Variants in PALS2 observed in about 807,000 individuals in gnomAD.
The protein encoded by PALS2 is protein PALS2.
A neutral mutation model predicts 61.6 loss-of-function variants in PALS2; 27 were observed. The observed-to-expected ratio is 0.44, with a 90% CI of 0.32 to 0.60. The LOEUF (loss-of-function observed/expected upper bound fraction) is 0.60. Among genes scored for constraint, PALS2 ranks in the 20% least tolerant of loss-of-function variants. The probability of loss-of-function intolerance (pLI) is 0.05; values close to 1 mark genes in which losing one functional copy is unlikely to be tolerated. For missense variants in PALS2, 554 were observed against 639.4 expected, an observed-to-expected ratio of 0.87 and a Z score of 1.44; for synonymous variants, 236 against 218.6, an observed-to-expected ratio of 1.08 and a Z score of -0.70.
chr7:24,591,941 A>G (rs1783303242), intron 1 of PALS2, among the ~76,000 whole-genome samples: 2 of 152,080 alleles, frequency 1.3e-5, no homozygotes, highest in African/African-American at 2.4e-5. Flanking sequence ...CAGTGCTATG[A>G]TTGGGGACCA....
At chr7:24,584,659 T>G (rs1048910571) in intron 1 of PALS2, among the ~76,000 whole-genome samples, 2 of 152,014 alleles carry the variant, frequency 1.3e-5, no homozygotes, top group African/African-American at 4.8e-5. Context: ...AGAAGCTCTT[T>G]AGTTTAATTA....
In PALS2 at chr7:24,691,405, G is replaced by GTGTGTGTGTGTGTGTATATATA. The variant is rs1274329385; in HGVS notation, c.*3792_*3793insGTGTGTGTGTGTGTATATATAT. 1.3e-4 allele frequency: 14 copies of GTGTGTGTGTGTGTGTATATATA among 110,578 alleles called. No homozygotes were observed. The highest frequency in any genetic ancestry group is 4.0e-4 in the African/African-American group (13 of 32,364). The allele number at this position is 110,578 out of a possible 1,614,324, so 6.8% of individuals were successfully genotyped here. ...ATATTATGTATGTGTGTGTGTGTGT[G>GTGTGTGTGTGTGTGTATATATA]TATATATATATATATATATATATAT... On this transcript the variant is annotated 3_prime_UTR_variant, in exon 12 of 12. Transcript: ENST00000222644.
At chr7:24,681,579 A>G (rs1787933700) in intron 11 of PALS2, among the ~76,000 whole-genome samples, 1 of 150,140 alleles carries the variant, frequency 6.7e-6, no homozygotes, top group Admixed American at 6.7e-5. Flanking sequence ...TTCAAACAAG[A>G]TCAACACATT....
chr7:24,583,735 T>G (rs1234196485), intron 1 of PALS2, among the ~76,000 whole-genome samples: 1 of 151,484 alleles, frequency 6.6e-6, no homozygotes, highest in Non-Finnish European at 1.5e-5. Context: ...TATGTATACA[T>G]GTGCCATGCT....
At chr7:24,626,874 A>G (rs942433558) in intron 2 of PALS2, among the ~76,000 whole-genome samples, 3 of 152,214 alleles carry the variant, frequency 2.0e-5, no homozygotes, top group Non-Finnish European at 4.4e-5. Flanking sequence ...TCATAAAGCA[A>G]GTTCTTAGAG....
Position 24,666,069 on chromosome 7 carries a change from A to G in PALS2, c.932A>G (p.Tyr311Cys). 1 of 1,611,810 alleles carries G rather than the reference A, an allele frequency of 6.2e-7. No individual in the cohort carries two copies. The highest frequency in any genetic ancestry group is 8.5e-7 in the Non-Finnish European group (1 of 1,178,582). The stretch of plus-strand genomic sequence containing the variant: ...AGCAAAAAAAAGAAAAAGATGATGT[A>G]TCTCACAACCAGAAATGCAGGTAGG... ...ISSKKKKKMM[Y>C]LTTRNAEFDR... The change falls in exon 8 of 12, where the codon TAT becomes TGT. Residue 311 changes from tyrosine to cysteine, a missense_variant. Coordinates refer to ENST00000222644, the MANE Select transcript of PALS2 (RefSeq NM_001303037.2).
At chr7:24,632,717 G>A (rs544446092) in intron 2 of PALS2, among the ~76,000 whole-genome samples, 1 of 151,054 alleles carries the variant, frequency 6.6e-6, no homozygotes, top group South Asian at 2.1e-4. Flanking sequence ...TTAGATCACT[G>A]ATGTTTCATG....
chr7:24,657,650 T>C (rs1423478026), intron 5 of PALS2, among the ~76,000 whole-genome samples: 1 of 152,214 alleles, frequency 6.6e-6, no homozygotes, highest in Non-Finnish European at 1.5e-5. Flanking sequence ...GTCTCTATCT[T>C]GTCTTTTCAT....
rs912065394 is a variant in PALS2 at position 24,573,591 on chromosome 7, C to T, written c.-5C>T. On this transcript the variant is annotated splice_region_variant and 5_prime_UTR_variant, in exon 1 of 12. Coordinates refer to ENST00000222644, the MANE Select transcript of PALS2 (RefSeq NM_001303037.2). This position sits in a 1 kb window ranked among gnomAD's most constrained non-coding sequence, Gnocchi z 5.3. ...GGCGCGGAGGCGGCTGAGGTGCGAGCCGGTGAGTTAACTGGACCCCCACGC... is the reference window on the plus strand; with the variant it reads ...GGCGCGGAGGCGGCTGAGGTGCGAGTCGGTGAGTTAACTGGACCCCCACGC... The T allele has an allele frequency of 1.6e-5, 6 of 372,694 alleles. No individual in the cohort carries two copies. Among genetic ancestry groups the T allele is most frequent in the African/African-American group, 6.4e-5 (3 of 46,822 alleles). The allele number at this position is 372,694 out of a possible 1,614,324, so 23.1% of individuals were successfully genotyped here. A position where few individuals can be genotyped will look rare whatever the true frequency, so the allele number is the denominator to read the frequency against.
intron 9 of PALS2, among the ~76,000 whole-genome samples, chr7:24,678,402 C>T (rs149605709): frequency 3.9e-5 from 6 of 152,214 alleles, no homozygotes; most frequent in East Asian, 1.9e-4. Flanking sequence ...AATAATGAGG[C>T]GTCTAGCTCT....
intron 1 of PALS2, among the ~76,000 whole-genome samples, chr7:24,612,242 A>G (rs116008652): frequency 1.2e-3 from 179 of 152,068 alleles, no homozygotes; most frequent in African/African-American, 4.0e-3. Flanking sequence ...CCCTAGGCCC[A>G]CTGATTTGAA....
chr7:24,585,564 T>G (rs1339877907), intron 1 of PALS2, among the ~76,000 whole-genome samples: 1 of 152,192 alleles, frequency 6.6e-6, no homozygotes, highest in Admixed American at 6.5e-5. Context: ...ATTTATAGTT[T>G]GTTTCCACCC....
At chr7:24,631,094 A>G (rs1003651806) in intron 2 of PALS2, among the ~76,000 whole-genome samples, 1 of 152,202 alleles carries the variant, frequency 6.6e-6, no homozygotes, top group Non-Finnish European at 1.5e-5. Context: ...CGATTCCTCT[A>G]ATGGATCTGG....
intron 11 of PALS2, among the ~76,000 whole-genome samples, chr7:24,685,067 A>G (rs1394451614): frequency 6.6e-6 from 1 of 151,990 alleles, no homozygotes; most frequent in Non-Finnish European, 1.5e-5. Context: ...CTAGGTATTT[A>G]GCCCAACATC....
chr7:24,581,354 A>G (rs1307874237), intron 1 of PALS2, among the ~76,000 whole-genome samples: 7 of 151,994 alleles, frequency 4.6e-5, no homozygotes, highest in African/African-American at 1.7e-4. Context: ...GCTCTCTGGA[A>G]TAACCTCCCC....
chr7:24,602,537 A>AC (rs1384416500), intron 1 of PALS2, among the ~76,000 whole-genome samples: 2 of 152,184 alleles, frequency 1.3e-5, no homozygotes, highest in African/African-American at 4.8e-5. Context: ...AGAAGACTTC[A>AC]CATCTGCCTG....
rs370059949 is a variant in PALS2, at chr7:24,691,088, A to G, written c.*3474A>G. On this transcript the variant is annotated 3_prime_UTR_variant, in exon 12 of 12. Coordinates refer to ENST00000222644, the MANE Select transcript of PALS2 (RefSeq NM_001303037.2). Reference sequence around the variant, plus strand: ...ATGGTACTTATTTTTATGTATAACAAGTGTCATGATCCCAGTGACTGGAGT... The same window carrying G: ...ATGGTACTTATTTTTATGTATAACAGGTGTCATGATCCCAGTGACTGGAGT... 1.3e-5 allele frequency: 2 copies of G among 152,110 alleles called. No individual in the cohort carries two copies. Among genetic ancestry groups the G allele is most frequent in the African/African-American group, 4.8e-5 (2 of 41,438 alleles). 9.4% of individuals were successfully genotyped at this position (152,110 alleles called of 1,614,324 possible).
At chr7:24,606,259 A>G (rs1562609929) in intron 1 of PALS2, among the ~76,000 whole-genome samples, 1 of 152,218 alleles carries the variant, frequency 6.6e-6, no homozygotes, top group African/African-American at 2.4e-5. Context: ...ATTTTCTGCT[A>G]GAAATACTTT....
At chr7:24,603,228 G>A (rs1340180410) in intron 1 of PALS2, among the ~76,000 whole-genome samples, 3 of 152,206 alleles carry the variant, frequency 2.0e-5, no homozygotes, top group Non-Finnish European at 2.9e-5. Flanking sequence ...TGAATTAACT[G>A]AGACAGTGAG....
Sources: gnomAD v4.1 joint callset for allele counts (sites outside exome capture counted in the v4.1 genomes callset) on GRCh38, gnomAD v4.1.1 for gene constraint, Gnocchi (gnomAD v3.1) non-coding constraint, MANE v1.5 for transcripts, NCBI Gene and HGNC (gene_info 2026-07-23, HGNC 2026-07-21) for gene names.